Variants in RTL5 observed in about 807,000 individuals in gnomAD.
The protein encoded by RTL5 is retrotransposon Gag-like protein 5.
In RTL5, 8 loss-of-function variants were observed where a neutral mutation model predicts 7.7. That is an observed-to-expected ratio of 1.04 (90% CI 0.61 to 1.88). RTL5 has a LOEUF of 1.88. Among genes scored for constraint, RTL5 ranks in the 40% most tolerant of loss-of-function variants. The pLI is 0.00. For synonymous variants in RTL5, 188 were observed against 191.8 expected (o/e 0.98, Z 0.16); for missense variants, 457 against 472.7 (o/e 0.97, Z 0.31).
chrX:72,129,886 C>T (rs747452913), exon 1 of RTL5: 4 of 1,208,246 alleles, frequency 3.3e-6, no homozygotes, highest in South Asian at 3.5e-5. Flanking sequence ...CGGAGTGAGG[C>T]GGAAAAGCAC....
rs760970544 is a variant in RTL5 at position 72,130,328 on chromosome X, C to T, written c.1213G>A (p.Glu405Lys). The T allele has an allele frequency of 1.5e-5, 17 of 1,172,202 alleles. No individual in the cohort carries two copies. The East Asian group carries it at 4.8e-4, about 33-fold the overall frequency. The change falls in exon 1 of 1, where the codon GAG becomes AAG. Residue 405 changes from glutamate (E) to lysine (K), a missense_variant. Physicochemically the swap from Glu to Lys is moderately conservative, Grantham distance 56. Transcript: ENST00000609883. ...TTGTTCCTTATCTCCTCCTCCTCCT[C>T]TTTCTGTTTCATTTCCTCTTCCTCC... is the stretch of plus-strand genomic sequence containing the variant.
exon 1 of RTL5, chrX:72,131,078 G>T: frequency 8.3e-7 from 1 of 1,209,838 alleles, no homozygotes; most frequent in Middle Eastern, 2.3e-4. Context: ...CCTGAAAAGG[G>T]CTCTATCTCA....
chrX:72,129,759 G>T, exon 1 of RTL5: 1 of 1,017,136 alleles, frequency 9.8e-7, no homozygotes, highest in Non-Finnish European at 1.3e-6. Flanking sequence ...AATGGGGCAG[G>T]TATGGCAGCA....
At chrX:72,129,559 T>C in exon 1 of RTL5, 1 of 339,208 alleles carries the variant, frequency 2.9e-6, no homozygotes, top group Non-Finnish European at 5.1e-6. Flanking sequence ...GCCCAGAAAC[T>C]TGCTCTCCAG....
chrX:72,130,132 A>G (rs2042272289), exon 1 of RTL5: 9 of 1,210,792 alleles, frequency 7.4e-6, no homozygotes, highest in Non-Finnish European at 1.0e-5. Flanking sequence ...GGTCGGCTCC[A>G]TCTCCATCAG....
chrX:72,127,182 A>C (rs2042234348), downstream of RTL5: 1 of 110,889 alleles, frequency 9.0e-6, no homozygotes, highest in Non-Finnish European at 1.9e-5. Context: ...TCTTCACAAC[A>C]CAGTAATGCA....
chrX:72,131,449 T>A lies in RTL5; in HGVS notation c.92A>T (p.Asn31Ile), dbSNP rs181244327. Residue 31 changes from asparagine (N) to isoleucine (I), a missense_variant, in exon 1 of 1, where the codon AAT becomes ATT. Physicochemically the swap from Asn to Ile is moderately radical, Grantham distance 149. Coordinates refer to ENST00000609883, the Ensembl canonical transcript of RTL5. ...GGCTCTCCCGAGCTGGAGGCCCAAA[T>A]TGGCATTCTCCCCGCGAAGGGCATT... The A allele has an allele frequency of 5.8e-6, 7 of 1,210,054 alleles. No individual in the cohort carries two copies. The South Asian group carries it at 1.1e-4, about 18-fold the overall frequency.
chrX:72,130,451 T>C (rs1472987515), exon 1 of RTL5: 2 of 1,206,913 alleles, frequency 1.7e-6, no homozygotes, highest in Non-Finnish European at 2.2e-6. Flanking sequence ...CTCATGCGCT[T>C]CCTCTGGTCC....
chrX:72,131,299 C>T lies in RTL5; in HGVS notation c.242G>A (p.Gly81Glu). ...CCGGCACAAGAAGGGCAGTTCTCCC[C>T]CGGGAATGACTTCGATCTCACTGAG... is the stretch of plus-strand genomic sequence containing the variant. The change falls in exon 1 of 1, where the codon GGG becomes GAG. Residue 81 changes from glycine to glutamate, a missense_variant. By Grantham distance (98) the Gly-to-Glu change is moderately conservative. Coordinates refer to ENST00000609883, the Ensembl canonical transcript of RTL5. 2.5e-6 allele frequency: 3 copies of T among 1,199,873 alleles called. No individual in the cohort carries two copies. Among genetic ancestry groups the T allele is most frequent in the Non-Finnish European group, 3.4e-6 (3 of 889,481 alleles).
upstream of RTL5, chrX:72,131,871 G>T (rs894079713): frequency 9.0e-6 from 3 of 334,310 alleles, no homozygotes; most frequent in Non-Finnish European, 1.5e-5. Context: ...GGCGGGCAGG[G>T]GCGAGCGGAG....
chrX:72,127,580 A>G (rs2147502427), downstream of RTL5: 1 of 111,342 alleles, frequency 9.0e-6, no homozygotes, highest in Admixed American at 9.5e-5. Flanking sequence ...CTCCACAGGG[A>G]CATGGGGCAG....
At chrX:72,131,066 C>G in exon 1 of RTL5, 1 of 1,210,381 alleles carries the variant, frequency 8.3e-7, no homozygotes. Flanking sequence ...TAGACTGGGT[C>G]TCCTGAAAAG....
chrX:72,130,926 C>T, exon 1 of RTL5: 1 of 1,211,724 alleles, frequency 8.3e-7, no homozygotes, highest in Non-Finnish European at 1.1e-6. Context: ...CCTGGGTGAC[C>T]GAGATGGCCC....
At chrX:72,131,042 G>A in exon 1 of RTL5, 1 of 1,210,942 alleles carries the variant, frequency 8.3e-7, no homozygotes, top group African/African-American at 1.7e-5. Context: ...AGCTGCATCA[G>A]GAATTCAGCC....
chrX:72,131,578 G>C, exon 1 of RTL5: 1 of 1,138,170 alleles, frequency 8.8e-7, no homozygotes. Context: ...CCGTGGTGGG[G>C]AAAGGGGAAC....
chrX:72,131,140 G>A (rs2042291604), exon 1 of RTL5: 1 of 1,190,175 alleles, frequency 8.4e-7, no homozygotes, highest in Admixed American at 2.3e-5. Flanking sequence ...CTTTGACGCG[G>A]GCGGAGGCAG....
chrX:72,129,906 T>C, exon 1 of RTL5: 2 of 1,210,495 alleles, frequency 1.7e-6, no homozygotes, highest in East Asian at 5.9e-5. Context: ...CAGGGGGGCG[T>C]CTTCGAACTT....
exon 1 of RTL5, chrX:72,127,920 C>T (rs1228507468): frequency 8.9e-6 from 1 of 112,852 alleles, no homozygotes; most frequent in Non-Finnish European, 1.9e-5. Context: ...ATAGCAAGAA[C>T]ACACTAGAAA....
At chrX:72,130,840 G>T (rs781206301) in exon 1 of RTL5, 2 of 1,211,517 alleles carry the variant, frequency 1.7e-6, no homozygotes, top group Non-Finnish European at 1.1e-6. Flanking sequence ...AGCCACACGT[G>T]GGGGGATGGG....
Sources: allele counts gnomAD v4.1 joint callset, GRCh38; gene constraint gnomAD v4.1.1; transcripts MANE v1.5; gene names NCBI Gene and HGNC (gene_info 2026-07-23, HGNC 2026-07-21).